Variants in FANCC observed in about 807,000 individuals in gnomAD.
FANCC encodes the protein FA complementation group C, also known as Fanconi anemia group C protein.
Under a neutral mutation model 71.3 loss-of-function variants are expected in FANCC, and 55 were observed. The ratio of observed to expected loss-of-function variants is 0.77; its 90% CI spans 0.62 to 0.97. FANCC has a LOEUF of 0.97. Ranked by LOEUF, FANCC falls within the 50% of genes least tolerant of loss-of-function variation. FANCC has a pLI of 0.00. For synonymous variants in FANCC, 275 were observed against 244.9 expected, an observed-to-expected ratio of 1.12 and a Z score of -1.15; for missense variants, 678 against 670.9, an observed-to-expected ratio of 1.01 and a Z score of -0.12.
At chr9:95,313,293 G>A (rs1480479399) in intron 1 of FANCC, among the ~76,000 whole-genome samples, 2 of 152,288 alleles carry the variant, frequency 1.3e-5, no homozygotes, top group Admixed American at 6.5e-5. Flanking sequence ...TGGGAGCTCC[G>A]CCCTGGAGAA....
intron 1 of FANCC, among the ~76,000 whole-genome samples, chr9:95,258,510 CA>C (rs1167312232): frequency 1.3e-5 from 2 of 152,154 alleles, no homozygotes; most frequent in Admixed American, 1.3e-4. Flanking sequence ...TAAAAACTCT[CA>C]ATAAACTAGG....
intron 1 of FANCC, among the ~76,000 whole-genome samples, chr9:95,291,967 A>AAAAAAAATATATAT (rs1441757988): frequency 1.2e-4 from 6 of 50,414 alleles, no homozygotes; most frequent in African/African-American, 2.5e-4. Flanking sequence ...AAAAAAAAAA[A>AAAAAAAATATATAT]ATATATATAT....
intron 8 of FANCC, among the ~76,000 whole-genome samples, chr9:95,128,117 G>C (rs908379139): frequency 6.6e-6 from 1 of 152,202 alleles, no homozygotes; most frequent in East Asian, 1.9e-4. Flanking sequence ...ACTTAGGCAT[G>C]TCAGTTAATC....
intron 7 of FANCC, among the ~76,000 whole-genome samples, chr9:95,141,222 G>C (rs1399066987): frequency 7.4e-6 from 1 of 135,618 alleles, no homozygotes; most frequent in East Asian, 2.3e-4. Context: ...TGAGGTCAAA[G>C]AATCACCTGA....
chr9:95,152,878 AAG>A (rs1437198316), intron 6 of FANCC, among the ~76,000 whole-genome samples: 3 of 151,364 alleles, frequency 2.0e-5, no homozygotes, highest in Middle Eastern at 3.2e-3. Context: ...TTTTTGGAAA[AAG>A]AAGAATCGTC....
chr9:95,247,545 T>C, intron 2 of FANCC, 29 bp from the exon 3 acceptor site: 1 of 1,475,308 alleles, frequency 6.8e-7, no homozygotes, highest in Non-Finnish European at 9.5e-7. Flanking sequence ...TTTTGGTCAG[T>C]AAAGGCATTA....
At chr9:95,312,567 G>C (rs1042377090) in intron 1 of FANCC, among the ~76,000 whole-genome samples, 3 of 152,246 alleles carry the variant, frequency 2.0e-5, no homozygotes, top group African/African-American at 7.2e-5. Flanking sequence ...GCCCAGGCTT[G>C]TCTCAAACTC....
At position 95,139,642 on chromosome 9, in the gene FANCC, G is replaced by GA. The variant is rs3842220; in HGVS notation, c.687-4141dup. Among the ~76,000 whole-genome samples, 431 of 151,926 alleles carry GA rather than the reference G, an allele frequency of 2.8e-3. 9 individuals are homozygous for GA. In the South Asian group the frequency reaches 0.043, roughly 15 times the overall value. On this transcript the variant is annotated intron_variant, in intron 7 of 14. Transcript: ENST00000289081. ...CTGGTTAAAAAGCAGGCTCTGGAGT[G>GA]ATGTGGCTATGGTGTAATGCTGCTT... is the stretch of plus-strand genomic sequence containing the variant.
chr9:95,182,582 G>A (rs1826443509), intron 4 of FANCC, among the ~76,000 whole-genome samples: 1 of 152,120 alleles, frequency 6.6e-6, no homozygotes, highest in Non-Finnish European at 1.5e-5. Context: ...ACAGGTTGAG[G>A]ATGATCTGCT....
intron 1 of FANCC, among the ~76,000 whole-genome samples, chr9:95,279,675 C>A (rs1002384814): frequency 6.6e-6 from 1 of 152,052 alleles, no homozygotes; most frequent in Non-Finnish European, 1.5e-5. Flanking sequence ...AGGCTGGACA[C>A]GGTGGCTCAC....
In FANCC at chr9:95,117,333, G is replaced by A. The variant is rs1267804543; in HGVS notation, c.1054C>T (p.Leu352=). 1 of 1,614,100 alleles carries A rather than the reference G, an allele frequency of 6.2e-7. No homozygotes were observed. The change falls in exon 11 of 15, where the codon CTG becomes TTG. Residue 352 remains leucine, a synonymous_variant. Coordinates refer to ENST00000289081, the MANE Select transcript of FANCC (RefSeq NM_000136.3). ...PYTSPSLAMV[L]LQDPQDIPRG... is the part of the protein sequence containing the mutation. ...AACTCACCTTGAGGGTCTTGCAGCA[G>A]CACCATGGCAAGAGATGGAGAAGTG...
chr9:95,237,771 A>G (rs1033559003), intron 4 of FANCC, among the ~76,000 whole-genome samples: 2 of 152,248 alleles, frequency 1.3e-5, no homozygotes, highest in African/African-American at 4.8e-5. Flanking sequence ...CTGAATGAAG[A>G]TACAACACGT....
At chr9:95,268,316 C>G (rs955238679) in intron 1 of FANCC, among the ~76,000 whole-genome samples, 2 of 152,204 alleles carry the variant, frequency 1.3e-5, no homozygotes, top group African/African-American at 2.4e-5. Flanking sequence ...TATTCACCAT[C>G]ATGGTATCAC....
rs1180807258 is a variant in FANCC at position 95,284,860 on chromosome 9, TCACA to T, written c.-79+32662_-79+32665del. On this transcript the variant is annotated intron_variant, in intron 1 of 14. Transcript: ENST00000289081. ...ACTTGAACTCTAAGACTCCTCTCTC[TCACA>T]CACACACACACATACACACACACAC... 4.5e-3 allele frequency among the ~76,000 whole-genome samples: 567 copies of T among 125,660 alleles called. 1 individual carries two copies. Among genetic ancestry groups the T allele is most frequent in the African/African-American group, 0.017 (548 of 31,776 alleles). 82.4% of individuals were successfully genotyped at this position (125,660 alleles called of 152,430 possible). A position where few individuals can be genotyped will look rare whatever the true frequency, so the allele number is the denominator to read the frequency against.
At chr9:95,112,642 T>G (rs1003787786) in intron 12 of FANCC, among the ~76,000 whole-genome samples, 3 of 152,220 alleles carry the variant, frequency 2.0e-5, no homozygotes, top group Admixed American at 6.5e-5. Flanking sequence ...AGGCACCATG[T>G]CAGGGTAGAC....
chr9:95,249,113 G>A lies in FANCC; in HGVS notation c.165+14C>T. On this transcript the variant is annotated intron_variant, in intron 2 of 14. Transcript: ENST00000289081. Reference sequence around the variant, plus strand: ...AGTCAGAAAATAATTTCATTATTCTGGTCCACTACTTACCATCTCTTTCAA... The same window carrying A: ...AGTCAGAAAATAATTTCATTATTCTAGTCCACTACTTACCATCTCTTTCAA... 6.2e-7 allele frequency: 1 copy of A among 1,612,726 alleles called. No homozygotes were observed. Among genetic ancestry groups the A allele is most frequent in the Non-Finnish European group, 8.5e-7 (1 of 1,179,286 alleles).
intron 4 of FANCC, among the ~76,000 whole-genome samples, chr9:95,221,113 T>A (rs1181451743): frequency 6.6e-6 from 1 of 151,788 alleles, no homozygotes; most frequent in Non-Finnish European, 1.5e-5. Context: ...GCACCTGTAG[T>A]CCCAGCTACT....
rs556229977 is a variant in FANCC, at chr9:95,100,679, G to A, written c.*1028C>T. ...ATGGTCTCGCTCTGTTGCCCAGGCTGGAGTGCAGTGTCATGATCTCGGCTC... is the reference window on the plus strand; with the variant it reads ...ATGGTCTCGCTCTGTTGCCCAGGCTAGAGTGCAGTGTCATGATCTCGGCTC... On this transcript the variant is annotated 3_prime_UTR_variant, in exon 15 of 15. Coordinates refer to ENST00000289081, the MANE Select transcript of FANCC (RefSeq NM_000136.3). 14 of 229,158 alleles carry A rather than the reference G, an allele frequency of 6.1e-5. No homozygotes were observed. The highest frequency in any genetic ancestry group is 1.3e-4 in the African/African-American group (6 of 45,246). 14.2% of individuals were successfully genotyped at this position (229,158 alleles called of 1,614,324 possible). A position where few individuals can be genotyped will look rare whatever the true frequency, so the allele number is the denominator to read the frequency against.
intron 3 of FANCC, among the ~76,000 whole-genome samples, chr9:95,244,596 T>C (rs1369330283): frequency 7.4e-6 from 1 of 136,032 alleles, no homozygotes; most frequent in Non-Finnish European, 1.5e-5. Flanking sequence ...GGAGAATCCC[T>C]TGAACCTGGG....
Sources: gnomAD v4.1 joint callset for allele counts (sites outside exome capture counted in the v4.1 genomes callset) on GRCh38, gnomAD v4.1.1 for gene constraint, MANE v1.5 for transcripts, NCBI Gene and HGNC (gene_info 2026-07-23, HGNC 2026-07-21) for gene names.